SLC9A9: variants seen among roughly 807,000 people sequenced by gnomAD.
The protein encoded by SLC9A9 is solute carrier family 9 member A9.
A neutral mutation model predicts 77.8 loss-of-function variants in SLC9A9; 62 were observed. The ratio of observed to expected loss-of-function variants is 0.80; its 90% confidence interval spans 0.65 to 0.98. The LOEUF is 0.98. Ranked by LOEUF, SLC9A9 falls within the 50% of genes least tolerant of loss-of-function variation. The pLI is 0.00. For synonymous variants in SLC9A9, 320 were observed against 283.5 expected, an observed-to-expected ratio of 1.13 and a Z score of -1.29; for missense variants, 775 against 774.9, an observed-to-expected ratio of 1.00 and a Z score of 0.00.
chr3:143,693,595 T>C (rs1253125432), intron 4 of SLC9A9, among the ~76,000 whole-genome samples: 1 of 152,178 alleles, frequency 6.6e-6, no homozygotes, highest in Non-Finnish European at 1.5e-5. Context: ...AAATAATCTG[T>C]CAAATGTGGC....
intron 12 of SLC9A9, among the ~76,000 whole-genome samples, chr3:143,430,959 TACA>T (rs2034502732): frequency 6.6e-6 from 1 of 152,208 alleles, no homozygotes; most frequent in South Asian, 2.1e-4. Flanking sequence ...CACAAGCCAT[TACA>T]ACAAGGATGA....
At chr3:143,615,884 C>CTT (rs71140444) in intron 6 of SLC9A9, among the ~76,000 whole-genome samples, 74 of 141,478 alleles carry the variant, frequency 5.2e-4, no homozygotes, top group East Asian at 4.0e-3. Flanking sequence ...CTTTAAATTT[C>CTT]TTTTTTTTTT....
intron 12 of SLC9A9, among the ~76,000 whole-genome samples, chr3:143,456,034 TAGGTATA>T (rs2035085261): frequency 6.6e-6 from 1 of 152,042 alleles, no homozygotes; most frequent in Non-Finnish European, 1.5e-5. Context: ...AATATGATGT[TAGGTATA>T]AGTTTTTTTA....
Position 143,759,912 on chromosome 3 carries a change from C to A in SLC9A9, c.533+35089G>T, listed in dbSNP as rs2007059040. 3.3e-5 allele frequency among the ~76,000 whole-genome samples: 5 copies of A among 152,168 alleles called. No individual in the cohort carries two copies. The South Asian group carries it at 1.0e-3, about 32-fold the overall frequency. ...CATCATCTATTAGAAAGACTGGCAA[C>A]AAAATAACCCAACCAAGCCCACTGA... On this transcript the variant is annotated intron_variant, in intron 4 of 15. Coordinates refer to ENST00000316549, the MANE Select transcript of SLC9A9 (RefSeq NM_173653.4).
At chr3:143,501,495 C>G (rs1316350985) in intron 9 of SLC9A9, among the ~76,000 whole-genome samples, 1 of 150,826 alleles carries the variant, frequency 6.6e-6, no homozygotes, top group African/African-American at 2.5e-5. Flanking sequence ...GATACGTTTT[C>G]TTTTTAAGCA....
At chr3:143,554,310 G>T (rs1474226079) in intron 8 of SLC9A9, among the ~76,000 whole-genome samples, 9 of 152,120 alleles carry the variant, frequency 5.9e-5, no homozygotes, top group African/African-American at 2.2e-4. Context: ...TCTCACAACA[G>T]GCTCACAATG....
At chr3:143,678,960 T>G (rs2108771518) in intron 5 of SLC9A9, among the ~76,000 whole-genome samples, 1 of 143,402 alleles carries the variant, frequency 7.0e-6, no homozygotes, top group African/African-American at 2.6e-5. Flanking sequence ...TTGAAACTAA[T>G]AACAACAAAA....
chr3:143,495,531 C>T, intron 9 of SLC9A9, 83 bp from the exon 10 acceptor site: 1 of 1,014,856 alleles, frequency 9.9e-7, no homozygotes, highest in South Asian at 1.3e-5. Context: ...TATTTGACAA[C>T]TGACTGGGTC....
chr3:143,753,279 C>T lies in SLC9A9; in HGVS notation c.533+41722G>A, dbSNP rs552532187. 5.3e-5 allele frequency among the ~76,000 whole-genome samples: 8 copies of T among 152,222 alleles called. No individual in the cohort carries two copies. The South Asian group carries it at 6.2e-4, about 12-fold the overall frequency. On this transcript the variant is annotated intron_variant, in intron 4 of 15. Transcript: ENST00000316549. ...TTGGCCTGCATGAAAAAAAAAGTGT[C>T]GATGTATCACTTTGCTCACACTAAA...
intron 4 of SLC9A9, among the ~76,000 whole-genome samples, chr3:143,713,425 G>A (rs74525879): frequency 0.034 from 5,229 of 152,282 alleles, 292 homozygotes; most frequent in African/African-American, 0.12. Context: ...ATGGTATCCA[G>A]AGTTTAGAAC....
intron 12 of SLC9A9, among the ~76,000 whole-genome samples, chr3:143,447,649 G>A (rs140866214): frequency 8.9e-4 from 136 of 152,290 alleles, no homozygotes; most frequent in African/African-American, 3.2e-3. Flanking sequence ...CAATGGACAA[G>A]CTTGTGTGGA....
chr3:143,317,666 G>T, intron 14 of SLC9A9, among the ~76,000 whole-genome samples: 1 of 40,626 alleles, frequency 2.5e-5, no homozygotes, highest in African/African-American at 1.6e-4. Flanking sequence ...GTATTTCTCA[G>T]GTTTGAAATG....
chr3:143,642,120 C>T (rs2038634901), intron 6 of SLC9A9, among the ~76,000 whole-genome samples: 1 of 152,176 alleles, frequency 6.6e-6, no homozygotes, highest in Non-Finnish European at 1.5e-5. Context: ...TCTTAAATGA[C>T]ATTTTAGTTG....
intron 12 of SLC9A9, among the ~76,000 whole-genome samples, chr3:143,414,540 T>C (rs2034157347): frequency 6.6e-6 from 1 of 152,240 alleles, no homozygotes; most frequent in African/African-American, 2.4e-5. Flanking sequence ...ATCATTATCA[T>C]ATCTGTTATG....
At position 143,574,077 on chromosome 3, in the gene SLC9A9, G is replaced by T; in HGVS notation, c.1000+11C>A. 6.2e-7 allele frequency: 1 copy of T among 1,610,932 alleles called. No individual in the cohort carries two copies. Among genetic ancestry groups the T allele is most frequent in the South Asian group, 1.1e-5 (1 of 90,928 alleles). On this transcript the variant is annotated intron_variant, in intron 8 of 15. Coordinates refer to ENST00000316549, the MANE Select transcript of SLC9A9 (RefSeq NM_173653.4). Reference sequence around the variant, plus strand: ...ACACATCCAGTTGGCTGTGCAGCATGAAGCACTGACCTGTTAGGCCGGCAG... The same window carrying T: ...ACACATCCAGTTGGCTGTGCAGCATTAAGCACTGACCTGTTAGGCCGGCAG...
intron 12 of SLC9A9, among the ~76,000 whole-genome samples, chr3:143,459,172 C>T (rs1381100424): frequency 1.3e-5 from 2 of 151,454 alleles, no homozygotes; most frequent in Non-Finnish European, 2.9e-5. Context: ...CTTCTTGGGG[C>T]ATGGTTACAA....
intron 12 of SLC9A9, among the ~76,000 whole-genome samples, chr3:143,435,607 C>T (rs574179951): frequency 1.2e-4 from 18 of 152,260 alleles, no homozygotes; most frequent in South Asian, 2.1e-4. Context: ...CAACACATTG[C>T]CTGACACGTT....
intron 14 of SLC9A9, among the ~76,000 whole-genome samples, chr3:143,349,676 C>T (rs2032396248): frequency 6.6e-6 from 1 of 152,204 alleles, no homozygotes; most frequent in Non-Finnish European, 1.5e-5. Context: ...TTGACTCATG[C>T]TCTGTGCTGT....
intron 11 of SLC9A9, among the ~76,000 whole-genome samples, chr3:143,483,824 TC>T (rs1455004636): frequency 2.1e-4 from 32 of 152,108 alleles, no homozygotes; most frequent in Non-Finnish European, 3.1e-4. Flanking sequence ...AATTTTAGGT[TC>T]TTATTTGATC....
Sources: allele counts gnomAD v4.1 joint callset (sites outside exome capture counted in the v4.1 genomes callset), GRCh38; gene constraint gnomAD v4.1.1; transcripts MANE v1.5; gene names NCBI Gene and HGNC (gene_info 2026-07-23, HGNC 2026-07-21).